PRDM1: variants seen among roughly 807,000 people sequenced by gnomAD.
PRDM1 encodes PR domain zinc finger protein 1.
In PRDM1, 13 loss-of-function variants were observed where a neutral mutation model predicts 62.8. That is an observed-to-expected ratio of 0.21 (90% CI 0.13 to 0.33). PRDM1 has a LOEUF of 0.33. Among genes scored for constraint, PRDM1 ranks in the 10% least tolerant of loss-of-function variants. The probability of loss-of-function intolerance (pLI) is 1.00; values close to 1 mark genes in which losing one functional copy is unlikely to be tolerated. For missense variants in PRDM1, 895 were observed against 1,058.8 expected (o/e 0.85, Z 2.15); for synonymous variants, 396 against 417.6 (o/e 0.95, Z 0.63).
At chr6:106,016,277 T>C (rs1772618756) in intron 1 of PRDM1, among the ~76,000 whole-genome samples, 1 of 152,254 alleles carries the variant, frequency 6.6e-6, no homozygotes, top group South Asian at 2.1e-4. Context: ...AGAAAAATGC[T>C]GCTATGAATC....
intron 1 of PRDM1, among the ~76,000 whole-genome samples, chr6:106,012,193 A>T (rs962036508): frequency 6.8e-6 from 1 of 147,164 alleles, no homozygotes; most frequent in African/African-American, 2.5e-5. Context: ...ACACACAAAC[A>T]TACCACACAC....
chr6:106,046,861 G>A (rs961165265), upstream of PRDM1: 3 of 152,196 alleles, frequency 2.0e-5, no homozygotes, highest in East Asian at 1.9e-4. Context: ...AAGTAAATTC[G>A]GGGTTAAGAA....
chr6:106,008,916 C>T (rs893380759), intron 1 of PRDM1, among the ~76,000 whole-genome samples: 1 of 152,182 alleles, frequency 6.6e-6, no homozygotes. Context: ...TAGGAATACT[C>T]CCCTTTCCAC....
In PRDM1 at chr6:105,994,925, AG is replaced by A. The variant is rs1332554202; in HGVS notation, c.-67+1289del. 4.6e-5 allele frequency among the ~76,000 whole-genome samples: 7 copies of A among 152,164 alleles called. No individual in the cohort carries two copies. The highest frequency in any genetic ancestry group is 1.7e-4 in the African/African-American group (7 of 41,538). On this transcript the variant is annotated intron_variant, in intron 1 of 6. Coordinates refer to the PRDM1 transcript ENST00000652320. This position sits in a 1 kb window ranked among gnomAD's most constrained non-coding sequence, Gnocchi z 4.1. ...GTCGCGGGAGCCTCCCGGCTTGCGG[AG>A]GGCTTGAGTTTTTTGGCGGAGACAG...
upstream of PRDM1, among the ~76,000 whole-genome samples, chr6:106,044,842 G>A (rs1773048927): frequency 6.6e-6 from 1 of 152,152 alleles, no homozygotes; most frequent in African/African-American, 2.4e-5. Context: ...TAAGAAAAAG[G>A]CAGTGAACGT....
intron 1 of PRDM1, among the ~76,000 whole-genome samples, chr6:106,001,619 A>G (rs1047948012): frequency 1.3e-5 from 2 of 152,170 alleles, no homozygotes; most frequent in African/African-American, 4.8e-5. Flanking sequence ...CACTTTTAAA[A>G]TGCCATCTCT....
intron 1 of PRDM1, among the ~76,000 whole-genome samples, chr6:106,038,014 CTTTTTT>C (rs1227783243): frequency 1.0e-4 from 5 of 47,794 alleles, no homozygotes; most frequent in South Asian, 1.5e-3. Flanking sequence ...CTATTTTTGT[CTTTTTT>C]TTTTTTTTTT....
intron 1 of PRDM1, among the ~76,000 whole-genome samples, chr6:106,003,411 A>G (rs1225389677): frequency 6.6e-6 from 1 of 152,140 alleles, no homozygotes; most frequent in Non-Finnish European, 1.5e-5. Context: ...TCACTCACAG[A>G]CTGCAGGTTT....
chr6:106,022,631 G>T (rs964155733), intron 1 of PRDM1, among the ~76,000 whole-genome samples: 2 of 151,986 alleles, frequency 1.3e-5, no homozygotes, highest in African/African-American at 4.8e-5. Flanking sequence ...CACCATGTTG[G>T]CCAGGCTGGT....
chr6:105,992,722 C>T (rs1262478749), upstream of PRDM1, among the ~76,000 whole-genome samples: 2 of 152,200 alleles, frequency 1.3e-5, no homozygotes, highest in African/African-American at 2.4e-5. Flanking sequence ...CACCTAAACG[C>T]CATGTGGAAA....
chr6:106,051,835 T>C (rs1382376037), intron 1 of PRDM1, among the ~76,000 whole-genome samples: 2 of 152,242 alleles, frequency 1.3e-5, no homozygotes, highest in Middle Eastern at 3.2e-3. Flanking sequence ...ATTTTCCAGG[T>C]AACCAGTTTG....
At chr6:106,098,527 TAGCC>T in intron 3 of PRDM1, 1 of 1,254,952 alleles carries the variant, frequency 8.0e-7, no homozygotes, top group Non-Finnish European at 1.0e-6. Flanking sequence ...TGTGGTGTTT[TAGCC>T]AGCCTCCTCC....
At chr6:106,082,779 A>G (rs145746346), upstream of PRDM1, among the ~76,000 whole-genome samples, 537 of 152,318 alleles carry the variant, frequency 3.5e-3, 3 homozygotes, top group African/African-American at 0.013. Context: ...CCCAATGTTT[A>G]GGCCCTGAAT....
chr6:106,039,142 A>T (rs760505307), intron 1 of PRDM1, among the ~76,000 whole-genome samples: 6 of 152,194 alleles, frequency 3.9e-5, no homozygotes, highest in Non-Finnish European at 8.8e-5. Flanking sequence ...TTATAATTAG[A>T]CCATAAACTT....
At chr6:106,014,975 A>G (rs1010186058) in intron 1 of PRDM1, among the ~76,000 whole-genome samples, 1 of 152,200 alleles carries the variant, frequency 6.6e-6, no homozygotes, top group Non-Finnish European at 1.5e-5. Context: ...AGTTCAAGAT[A>G]CAGCCCCCTG....
intron 1 of PRDM1, among the ~76,000 whole-genome samples, chr6:106,027,153 T>A (rs1252514618): frequency 6.6e-6 from 1 of 152,238 alleles, no homozygotes; most frequent in Non-Finnish European, 1.5e-5. Context: ...TCTCCCTCAG[T>A]TTATTCCTAC....
Position 106,086,583 on chromosome 6 carries a change from GGGTACGACCTT to G in PRDM1, c.35_42+3del. 6.4e-7 allele frequency: 1 copy of G among 1,551,758 alleles called. No homozygotes were observed. Among genetic ancestry groups the G allele is most frequent in the South Asian group, 1.2e-5 (1 of 83,982 alleles). On this transcript the variant is annotated frameshift_variant and splice_region_variant, in exon 1 of 7. Coordinates refer to ENST00000369096, the MANE Select transcript of PRDM1 (RefSeq NM_001198.4). LOFTEE classifies it high-confidence loss of function. ...TGGATATTTGCTTGGAAAAACGTGT[GGGTACGACCTT>G]GGTAAGGAACTTGAATTTTTTTTTT...
chr6:106,003,527 T>G (rs1217695249), intron 1 of PRDM1, among the ~76,000 whole-genome samples: 2 of 152,180 alleles, frequency 1.3e-5, no homozygotes, highest in African/African-American at 2.4e-5. Context: ...AAAATTATCT[T>G]TAGCTTCTGC....
chr6:106,103,230 A>G (rs2114646350), intron 4 of PRDM1, among the ~76,000 whole-genome samples: 1 of 152,178 alleles, frequency 6.6e-6, no homozygotes, highest in Non-Finnish European at 1.5e-5. Context: ...AGGAGATAAC[A>G]TTCTCTAAGG....
Sources: allele counts gnomAD v4.1 joint callset (sites outside exome capture counted in the v4.1 genomes callset), GRCh38; gene constraint gnomAD v4.1.1; non-coding constraint Gnocchi (gnomAD v3.1); transcripts MANE v1.5; gene names NCBI Gene and HGNC (gene_info 2026-07-23, HGNC 2026-07-21).